LCMT1: variants seen among roughly 807,000 people sequenced by gnomAD.
LCMT1 encodes [Phosphatase 2A protein]-leucine-carboxy methyltransferase 1.
LCMT1 carries 32 observed loss-of-function variants against 47.7 expected under a neutral mutation model. The ratio of observed to expected loss-of-function variants is 0.67; its 90% CI spans 0.51 to 0.90. LCMT1 has a LOEUF of 0.90. Among genes scored for constraint, LCMT1 ranks in the 40% least tolerant of loss-of-function variants. LCMT1 has a pLI of 0.00. For missense variants in LCMT1, 375 were observed against 415.2 expected, an observed-to-expected ratio of 0.90 and a Z score of 0.84; for synonymous variants, 152 against 149.7, an observed-to-expected ratio of 1.02 and a Z score of -0.11.
intron 1 of LCMT1, among the ~76,000 whole-genome samples, chr16:25,116,508 A>T (rs1012288179): frequency 1.7e-4 from 26 of 151,994 alleles, no homozygotes; most frequent in African/African-American, 6.0e-4. Context: ...TGGCCTTCCT[A>T]TGGGTGCCAG....
intron 10 of LCMT1, among the ~76,000 whole-genome samples, chr16:25,177,113 G>A (rs1333018616): frequency 6.9e-6 from 1 of 144,752 alleles, no homozygotes; most frequent in East Asian, 2.0e-4. Context: ...CCGGGAGGCA[G>A]AAGTTGCAGT....
At chr16:25,116,135 A>G (rs562602343) in intron 1 of LCMT1, among the ~76,000 whole-genome samples, 1 of 152,336 alleles carries the variant, frequency 6.6e-6, no homozygotes, top group South Asian at 2.1e-4. Context: ...GCACATCAGT[A>G]AGAGAGTGTT....
chr16:25,117,271 C>G (rs888723506), intron 1 of LCMT1, among the ~76,000 whole-genome samples: 1 of 152,200 alleles, frequency 6.6e-6, no homozygotes, highest in African/African-American at 2.4e-5. Context: ...TACCTGCTGG[C>G]CAGGGTGATT....
intron 4 of LCMT1, chr16:25,147,212 C>T (rs1960886491): frequency 6.6e-6 from 1 of 152,148 alleles, no homozygotes; most frequent in Non-Finnish European, 1.5e-5. Context: ...CTAGATCCAC[C>T]ACCAAAAAAA....
chr16:25,176,357 CG>C (rs1567331947), intron 10 of LCMT1, among the ~76,000 whole-genome samples: 1 of 151,962 alleles, frequency 6.6e-6, no homozygotes, highest in African/African-American at 2.4e-5. Flanking sequence ...TGGTCACAAG[CG>C]GGCAGCTGAT....
intron 1 of LCMT1, among the ~76,000 whole-genome samples, chr16:25,120,264 C>T (rs1261905279): frequency 5.3e-5 from 8 of 151,198 alleles, no homozygotes; most frequent in African/African-American, 1.9e-4. Context: ...GCTCTTGTTG[C>T]CCAGGCTGGA....
Position 25,135,023 on chromosome 16 carries a change from A to G in LCMT1, c.327+2500A>G, listed in dbSNP as rs116094616. 4.9e-3 allele frequency among the ~76,000 whole-genome samples: 748 copies of G among 152,152 alleles called. 10 individuals carry two copies. Among genetic ancestry groups the G allele is most frequent in the African/African-American group, 0.017 (718 of 41,520 alleles). ...GCCGCTGGAGAGATCCTGCCATTGG[A>G]CCTGAGACCCCGTTGACTTGTCACG... On this transcript the variant is annotated intron_variant, in intron 3 of 10. Transcript: ENST00000399069.
intron 3 of LCMT1, among the ~76,000 whole-genome samples, chr16:25,136,843 GTCTT>G (rs1281097533): frequency 2.6e-5 from 4 of 152,070 alleles, no homozygotes; most frequent in Non-Finnish European, 4.4e-5. Flanking sequence ...CCCACAGGAT[GTCTT>G]TCTTAAGCGC....
At chr16:25,132,302 C>T in intron 2 of LCMT1, 100 bp from the exon 3 acceptor site, 2 of 1,387,140 alleles carry the variant, frequency 1.4e-6, no homozygotes. Context: ...CAGAAGGGCG[C>T]ATGCTCTCTG....
chr16:25,169,272 G>A, intron 8 of LCMT1, 59 bp downstream of exon 8: 2 of 1,150,084 alleles, frequency 1.7e-6, no homozygotes, highest in South Asian at 2.5e-5. Flanking sequence ...GATATATAAA[G>A]GTCTTTCTTT....
At chr16:25,114,415 TGTG>T (rs1349843455) in intron 1 of LCMT1, among the ~76,000 whole-genome samples, 1 of 152,196 alleles carries the variant, frequency 6.6e-6, no homozygotes, top group Non-Finnish European at 1.5e-5. Flanking sequence ...ATCCTGGACT[TGTG>T]GTATCAGAAG....
At chr16:25,123,861 G>A (rs1960077615) in intron 1 of LCMT1, among the ~76,000 whole-genome samples, 1 of 151,812 alleles carries the variant, frequency 6.6e-6, no homozygotes, top group African/African-American at 2.4e-5. Context: ...CGCCCGCCTC[G>A]GCCTCCCAAA....
chr16:25,127,632 G>A (rs907443964), intron 1 of LCMT1, among the ~76,000 whole-genome samples: 3 of 152,198 alleles, frequency 2.0e-5, no homozygotes, highest in Non-Finnish European at 2.9e-5. Context: ...AGAAATGGGG[G>A]CATTACTCAG....
Position 25,161,420 on chromosome 16 carries a change from AT to A in LCMT1, c.569+217del, listed in dbSNP as rs540166972. ...TGCCCAGGCTGAGTGCAATGGCACA[AT>A]CTCAGCTCACTGCAACCTCCACTTC... On this transcript the variant is annotated intron_variant, in intron 6 of 10. Coordinates refer to ENST00000399069, the MANE Select transcript of LCMT1 (RefSeq NM_016309.3). Among the ~76,000 whole-genome samples the A allele has an allele frequency of 3.3e-3, 498 of 151,996 alleles. 2 individuals are homozygous for A. Among genetic ancestry groups the A allele is most frequent in the African/African-American group, 0.012 (479 of 41,420 alleles).
At chr16:25,130,645 CA>C (rs151189729) in intron 2 of LCMT1, among the ~76,000 whole-genome samples, 6,176 of 151,828 alleles carry the variant, frequency 0.041, 281 homozygotes, top group East Asian at 0.13. Context: ...GACCCTGTCT[CA>C]AAAAAAAGAA....
At chr16:25,167,242 C>T (rs1043253147) in intron 7 of LCMT1, among the ~76,000 whole-genome samples, 10 of 152,120 alleles carry the variant, frequency 6.6e-5, no homozygotes, top group Admixed American at 5.2e-4. Flanking sequence ...TCCTAACAAA[C>T]GCAAAATGAC....
intron 4 of LCMT1, chr16:25,140,581 T>C (rs1329718508): frequency 3.2e-5 from 9 of 279,846 alleles, no homozygotes; most frequent in Non-Finnish European, 6.1e-5. Flanking sequence ...GACTGTCTTG[T>C]TGGCTCCCTG....
chr16:25,131,140 C>T (rs1417502967), intron 2 of LCMT1, among the ~76,000 whole-genome samples: 2 of 152,212 alleles, frequency 1.3e-5, no homozygotes, highest in Non-Finnish European at 2.9e-5. Flanking sequence ...CTTGTGTGTG[C>T]AGGGAATCTT....
In LCMT1 at chr16:25,128,591, C is replaced by A. The variant is rs1049169610; in HGVS notation, c.205+25C>A. Reference sequence around the variant, plus strand: ...GGCAAGTGACCATCTCCCTCCCCAACAGCACCTCATCAGCTACCTGAGGTT... The same window carrying A: ...GGCAAGTGACCATCTCCCTCCCCAAAAGCACCTCATCAGCTACCTGAGGTT... On this transcript the variant is annotated intron_variant, in intron 2 of 10. Transcript: ENST00000399069. 16 of 1,528,018 alleles carry A rather than the reference C, an allele frequency of 1.0e-5. No homozygotes were observed. The African/African-American group carries it at 2.1e-4, about 20-fold the overall frequency. 94.7% of individuals were successfully genotyped at this position (1,528,018 alleles called of 1,614,324 possible).
Sources: gnomAD v4.1 joint callset for allele counts (sites outside exome capture counted in the v4.1 genomes callset) on GRCh38, gnomAD v4.1.1 for gene constraint, MANE v1.5 for transcripts, NCBI Gene and HGNC (gene_info 2026-07-23, HGNC 2026-07-21) for gene names.